TRIM67: variants seen among roughly 807,000 people sequenced by gnomAD.
TRIM67 encodes tripartite motif containing 67.
TRIM67 carries 39 observed loss-of-function variants against 71.0 expected under a neutral mutation model. The observed-to-expected ratio is 0.55, with a 90% confidence interval of 0.43 to 0.72. The LOEUF (loss-of-function observed/expected upper bound fraction) is 0.72, where lower values mean the gene tolerates loss of function less well. Ranked by LOEUF, TRIM67 falls within the 30% of genes least tolerant of loss-of-function variation. The pLI, the probability that TRIM67 is intolerant of heterozygous loss-of-function variation, is 0.00. For synonymous variants in TRIM67, 481 were observed against 473.9 expected (o/e 1.01, Z -0.19); for missense variants, 973 against 1,079.2 (o/e 0.90, Z 1.38).
In TRIM67 at chr1:231,199,029, AC is replaced by A; in HGVS notation, c.1141-13del. 6.2e-7 allele frequency: 1 copy of A among 1,613,480 alleles called. No individual in the cohort carries two copies. Among genetic ancestry groups the A allele is most frequent in the Non-Finnish European group, 8.5e-7 (1 of 1,179,694 alleles). ...AAAACTCTTTGCTTCTTCCCAACCA[AC>A]CCCCAACCTCTGCCAGGAAAACGGA... On this transcript the variant is annotated splice_polypyrimidine_tract_variant and intron_variant, in intron 2 of 9. Coordinates refer to ENST00000366653, the MANE Select transcript of TRIM67 (RefSeq NM_001004342.5).
chr1:231,167,841 C>T (rs1400614002), intron 1 of TRIM67, among the ~76,000 whole-genome samples: 1 of 152,104 alleles, frequency 6.6e-6, no homozygotes, highest in Non-Finnish European at 1.5e-5. Context: ...GTATGTTAGG[C>T]TTTAAAGGCT....
rs114659950 is a variant in TRIM67 at position 231,216,233 on chromosome 1, T to A, written c.*793T>A. Reference sequence around the variant, plus strand: ...CTTTCCTCCTTCTCTCTTACTTTCCTCCATCCCTGCCTCTTTCTTCCCTCT... The same window carrying A: ...CTTTCCTCCTTCTCTCTTACTTTCCACCATCCCTGCCTCTTTCTTCCCTCT... On this transcript the variant is annotated 3_prime_UTR_variant, in exon 10 of 10. Transcript: ENST00000366653. 2.4e-3 allele frequency: 2,324 copies of A among 966,140 alleles called. 41 individuals are homozygous for A. The African/African-American group carries it at 0.035, about 15-fold the overall frequency. 59.8% of individuals were successfully genotyped at this position (966,140 alleles called of 1,614,324 possible). A position where few individuals can be genotyped will look rare whatever the true frequency, so the allele number is the denominator to read the frequency against.
chr1:231,189,653 T>C (rs1683182183), intron 1 of TRIM67, among the ~76,000 whole-genome samples: 2 of 152,046 alleles, frequency 1.3e-5, no homozygotes, highest in Non-Finnish European at 2.9e-5. Context: ...GGCAGGACGT[T>C]TTCTTGATTC....
At chr1:231,200,865 C>T (rs746412737) in intron 4 of TRIM67, among the ~76,000 whole-genome samples, 6 of 152,144 alleles carry the variant, frequency 3.9e-5, no homozygotes, top group African/African-American at 9.7e-5. Context: ...AGCAGAACCA[C>T]GGGTGTGATG....
intron 6 of TRIM67, 148 bp from the exon 7 acceptor site, chr1:231,206,504 A>G: frequency 1.4e-6 from 1 of 712,796 alleles, no homozygotes; most frequent in South Asian, 2.8e-5. Context: ...GGCTGGACTC[A>G]AGCGATGCTC....
Position 231,163,951 on chromosome 1 carries a change from G to A in TRIM67, c.982G>A (p.Glu328Lys). Residue 328 changes from glutamate to lysine, a missense_variant, in exon 1 of 10, where the codon GAG (glutamate) becomes AAG (lysine). Coordinates refer to ENST00000366653, the MANE Select transcript of TRIM67 (RefSeq NM_001004342.5). The part of the protein sequence containing the change: ...CRTPVCYLCL[E>K]EGRHAKHEVK... ...AACCCCGGTGTGTTATCTGTGCCTG[G>A]AGGAGGGCCGGCACGCCAAGCACGA... 6.3e-7 allele frequency: 1 copy of A among 1,585,336 alleles called. No individual in the cohort carries two copies. The highest frequency in any genetic ancestry group is 2.3e-5 in the East Asian group (1 of 43,458).
At chr1:231,166,553 T>TGTTGTA (rs1056045413) in intron 1 of TRIM67, among the ~76,000 whole-genome samples, 1 of 151,944 alleles carries the variant, frequency 6.6e-6, no homozygotes, top group Admixed American at 6.6e-5. Context: ...ATTTTGTTGT[T>TGTTGTA]GTTATCTAAA....
Position 231,217,023 on chromosome 1 carries a change from C to G in TRIM67, c.*1583C>G, listed in dbSNP as rs772096870. ...TTTATAAAATTCGCCCATTCACCAGCACCAACTGTGCGTCCTTGGTTCTGC... is the reference window on the plus strand; with the variant it reads ...TTTATAAAATTCGCCCATTCACCAGGACCAACTGTGCGTCCTTGGTTCTGC... On this transcript the variant is annotated 3_prime_UTR_variant, in exon 10 of 10. Transcript: ENST00000366653. 2 of 985,800 alleles carry G rather than the reference C, an allele frequency of 2.0e-6. No individual in the cohort carries two copies. The highest frequency in any genetic ancestry group is 3.5e-5 in the African/African-American group (2 of 57,258). The allele number at this position is 985,800 out of a possible 1,614,324, so 61.1% of individuals were successfully genotyped here.
At chr1:231,166,912 T>C (rs1682483321) in intron 1 of TRIM67, among the ~76,000 whole-genome samples, 2 of 152,056 alleles carry the variant, frequency 1.3e-5, no homozygotes, top group Non-Finnish European at 2.9e-5. Flanking sequence ...CAGGAGAGCT[T>C]TTGGTTGTTT....
At chr1:231,185,230 A>C (rs1195679686) in intron 1 of TRIM67, 1 of 1,532,854 alleles carries the variant, frequency 6.5e-7, no homozygotes, top group Non-Finnish European at 8.7e-7. Flanking sequence ...CTTTATCTGA[A>C]AACTCCCTGT....
At chr1:231,200,758 G>T (rs1390358247) in intron 4 of TRIM67, among the ~76,000 whole-genome samples, 1 of 152,082 alleles carries the variant, frequency 6.6e-6, no homozygotes, top group Non-Finnish European at 1.5e-5. Flanking sequence ...GGAAAATGAT[G>T]AATCCCTTTG....
chr1:231,163,024 A>G lies in TRIM67; in HGVS notation c.55A>G (p.Ile19Val). The G allele has an allele frequency of 6.2e-7, 1 of 1,612,782 alleles. No individual in the cohort carries two copies. Among genetic ancestry groups the G allele is most frequent in the Non-Finnish European group, 8.5e-7 (1 of 1,179,384 alleles). The change falls in exon 1 of 10, where the codon ATC becomes GTC. Residue 19 changes from isoleucine (I) to valine (V), a missense_variant. Physicochemically the swap from Ile to Val is conservative, Grantham distance 29. This residue lies in a region of TRIM67 where 795 missense variants were observed against 831.3 expected (regional missense o/e 0.96). Coordinates refer to ENST00000366653, the MANE Select transcript of TRIM67 (RefSeq NM_001004342.5). ...VCGSLFREPIILPCSHNVCLP... is the reference protein window; with the variant it reads ...VCGSLFREPIVLPCSHNVCLP... Reference sequence around the variant, plus strand: ...CGGCTCTCTGTTTCGGGAGCCTATCATCCTGCCCTGTTCCCACAATGTCTG... The same window carrying G: ...CGGCTCTCTGTTTCGGGAGCCTATCGTCCTGCCCTGTTCCCACAATGTCTG...
intron 1 of TRIM67, among the ~76,000 whole-genome samples, chr1:231,193,076 G>A (rs1173539185): frequency 2.0e-5 from 3 of 152,326 alleles, no homozygotes; most frequent in East Asian, 1.9e-4. Context: ...CAGATGGTGC[G>A]TGACCCTAAC....
intron 9 of TRIM67, among the ~76,000 whole-genome samples, chr1:231,214,996 G>A (rs1356935064): frequency 2.6e-5 from 4 of 152,116 alleles, no homozygotes; most frequent in Admixed American, 2.6e-4. Context: ...ATTCCTCACA[G>A]TTAATAGAAT....
In TRIM67 at chr1:231,211,028, A is replaced by AT. The variant is rs1341384662; in HGVS notation, c.2123+1778_2123+1779insT. The stretch of plus-strand genomic sequence containing the variant: ...GAGACCCTCCTCTCTACCAAAAAAA[A>AT]AAAATATATATATATATATATATTT... On this transcript the variant is annotated intron_variant, in intron 8 of 9. Coordinates refer to ENST00000366653, the MANE Select transcript of TRIM67 (RefSeq NM_001004342.5). 1.5e-3 allele frequency among the ~76,000 whole-genome samples: 188 copies of AT among 123,774 alleles called. 1 individual carries two copies. The highest frequency in any genetic ancestry group is 5.4e-3 in the African/African-American group (169 of 31,312). 81.2% of individuals were successfully genotyped at this position (123,774 alleles called of 152,430 possible).
chr1:231,213,017 C>A (rs1354621454), intron 8 of TRIM67, among the ~76,000 whole-genome samples: 6 of 152,098 alleles, frequency 3.9e-5, no homozygotes, highest in African/African-American at 1.4e-4. Context: ...TTTTGAGGGA[C>A]CCTAGGATGT....
rs549821920 is a variant in TRIM67 at position 231,219,079 on chromosome 1, C to T, written c.*3639C>T. The T allele has an allele frequency of 6.1e-6, 6 of 985,518 alleles. No individual in the cohort carries two copies. The highest frequency in any genetic ancestry group is 4.7e-5 in the South Asian group (1 of 21,278). 61.0% of individuals were successfully genotyped at this position (985,518 alleles called of 1,614,324 possible). On this transcript the variant is annotated 3_prime_UTR_variant, in exon 10 of 10. Coordinates refer to ENST00000366653, the MANE Select transcript of TRIM67 (RefSeq NM_001004342.5). ...AGGAGGCTGCTGCTGGTCCCATGGC[C>T]ACCTGCTGGCTTTGAGGTAGTGAGG...
rs770939892 is a variant in TRIM67, at chr1:231,209,179, T to C, written c.2052T>C (p.Asp684=). 3 of 1,611,196 alleles carry C rather than the reference T, an allele frequency of 1.9e-6. No homozygotes were observed. Among genetic ancestry groups the C allele is most frequent in the Non-Finnish European group, 2.5e-6 (3 of 1,178,162 alleles). ...TCAAGGACATGATGCTGGGCAAGGA[T>C]GACAAGGCCTGGGCCATGTATGTGG... is the stretch of plus-strand genomic sequence containing the variant. ...SVVKDMMLGK[D]DKAWAMYVDN... is the part of the protein sequence containing the mutation. The change falls in exon 8 of 10, where the codon GAT becomes GAC. Residue 684 remains aspartate, a synonymous_variant. Transcript: ENST00000366653. The surrounding 1 kb of genome is among the most constrained non-coding windows in gnomAD (Gnocchi z 4.1).
intron 1 of TRIM67, among the ~76,000 whole-genome samples, chr1:231,171,832 T>C (rs989321327): frequency 6.6e-6 from 1 of 152,210 alleles, no homozygotes; most frequent in Non-Finnish European, 1.5e-5. Flanking sequence ...TGGTGGTTGA[T>C]GCCTGTGATC....
Sources: allele counts gnomAD v4.1 joint callset (sites outside exome capture counted in the v4.1 genomes callset), GRCh38; gene constraint gnomAD v4.1.1; regional missense constraint gnomAD v4.1.1; non-coding constraint Gnocchi (gnomAD v3.1); transcripts MANE v1.5; gene names NCBI Gene and HGNC (gene_info 2026-07-23, HGNC 2026-07-21).